The following SLC39A10 variants were observed in gnomAD, a reference collection of about 807,000 sequenced individuals.
SLC39A10 encodes solute carrier family 39 member 10.
In SLC39A10, 13 loss-of-function variants were observed where a neutral mutation model predicts 65.1. The observed-to-expected ratio is 0.20, with a 90% confidence interval of 0.13 to 0.32. The LOEUF is 0.32. Ranked by LOEUF, SLC39A10 falls within the 10% of genes least tolerant of loss-of-function variation. The probability of loss-of-function intolerance (pLI) is 1.00; values close to 1 mark genes in which losing one functional copy is unlikely to be tolerated. For missense variants in SLC39A10, 831 were observed against 1,018.4 expected, an observed-to-expected ratio of 0.82 and a Z score of 2.50; for synonymous variants, 321 against 342.2, an observed-to-expected ratio of 0.94 and a Z score of 0.68.
chr2:195,632,021 T>C (rs1393713629), intron 2 of SLC39A10, among the ~76,000 whole-genome samples: 2 of 152,136 alleles, frequency 1.3e-5, no homozygotes, highest in African/African-American at 4.8e-5. Flanking sequence ...TCTGAGTAGC[T>C]GGGACTACAG....
At position 195,728,289 on chromosome 2, in the gene SLC39A10, C is replaced by G; in HGVS notation, c.2277C>G (p.Ile759Met). 1 of 1,614,072 alleles carries G rather than the reference C, an allele frequency of 6.2e-7. No homozygotes were observed. Among genetic ancestry groups the G allele is most frequent in the Non-Finnish European group, 8.5e-7 (1 of 1,179,922 alleles). Residue 759 changes from isoleucine to methionine, a missense_variant, in exon 9 of 10, where the codon ATC becomes ATG. This residue lies in a region of SLC39A10 where 120 missense variants were observed against 203.9 expected (regional missense o/e 0.59). Coordinates refer to ENST00000359634, the MANE Select transcript of SLC39A10 (RefSeq NM_020342.3). The surrounding 1 kb of genome is among the most constrained non-coding windows in gnomAD (Gnocchi z 4.4). ...CTGTTGGTCAGTATGCCAATAACATCACACTTTGGATCTTTGCAGTCACTG... is the reference window on the plus strand; with the variant it reads ...CTGTTGGTCAGTATGCCAATAACATGACACTTTGGATCTTTGCAGTCACTG... ...GTAVGQYANN[I>M]TLWIFAVTAG...
At chr2:195,689,643 C>T (rs190469404) in intron 3 of SLC39A10, among the ~76,000 whole-genome samples, 1 of 152,200 alleles carries the variant, frequency 6.6e-6, no homozygotes, top group African/African-American at 2.4e-5. Context: ...ACACAACGAT[C>T]CATACTATCT....
intron 2 of SLC39A10, among the ~76,000 whole-genome samples, chr2:195,627,280 G>A (rs190799546): frequency 9.3e-4 from 141 of 152,046 alleles, no homozygotes; most frequent in African/African-American, 2.7e-3. Flanking sequence ...CCCCCACCCC[G>A]CGCCCAATGA....
upstream of SLC39A10, among the ~76,000 whole-genome samples, chr2:195,653,435 C>T (rs975081129): frequency 1.2e-4 from 19 of 152,022 alleles, no homozygotes; most frequent in Non-Finnish European, 1.9e-4. Flanking sequence ...GCTGGGATTA[C>T]AGGTGCCCGC....
chr2:195,653,707 G>T (rs1689086527), upstream of SLC39A10, among the ~76,000 whole-genome samples: 2 of 152,236 alleles, frequency 1.3e-5, no homozygotes, highest in African/African-American at 4.8e-5. Flanking sequence ...TGGCAAAGAA[G>T]AAGTGACCAT....
rs140096239 is a variant in SLC39A10 at position 195,679,764 on chromosome 2, T to C, written c.-11-268T>C. The stretch of plus-strand genomic sequence containing the variant: ...TTTTATTTTCTAATTATTGCTGATA[T>C]ATAGGAATATAATTTATTACTGTCC... On this transcript the variant is annotated intron_variant, in intron 1 of 9. Transcript: ENST00000359634. Among the ~76,000 whole-genome samples, 75 of 152,346 alleles carry C rather than the reference T, an allele frequency of 4.9e-4. 2 individuals carry two copies. Among genetic ancestry groups the C allele is most frequent in the African/African-American group, 1.8e-3 (74 of 41,590 alleles).
chr2:195,671,868 T>C (rs1689872403), intron 1 of SLC39A10: 2 of 152,264 alleles, frequency 1.3e-5, no homozygotes, highest in Non-Finnish European at 2.9e-5. Context: ...CCATTCTTTC[T>C]CTTTCCCTGT....
chr2:195,708,637 T>C lies in SLC39A10; in HGVS notation c.1387-19T>C, dbSNP rs200207192. On this transcript the variant is annotated intron_variant, in intron 4 of 9. Transcript: ENST00000359634. The stretch of plus-strand genomic sequence containing the variant: ...ATTTCAATTATTTGTTTAGAAGTTT[T>C]ATTTGTTCTTATTAATAGTCTCAGG... The C allele has an allele frequency of 2.6e-4, 391 of 1,512,968 alleles. 1 individual carries two copies. In the African/African-American group the frequency reaches 5.1e-3, roughly 20 times the overall value. The allele number at this position is 1,512,968 out of a possible 1,614,324, so 93.7% of individuals were successfully genotyped here. A position where few individuals can be genotyped will look rare whatever the true frequency, so the allele number is the denominator to read the frequency against.
intron 2 of SLC39A10, among the ~76,000 whole-genome samples, chr2:195,627,317 A>G (rs755957385): frequency 6.6e-6 from 1 of 152,182 alleles, no homozygotes; most frequent in Non-Finnish European, 1.5e-5. Flanking sequence ...TGATTAAAGC[A>G]AAATAGCTAC....
chr2:195,632,290 C>CTTTTTTTTTTTTTTT lies in SLC39A10; in HGVS notation c.-12+26070_-12+26084dup, dbSNP rs202193660. 1.0e-4 allele frequency among the ~76,000 whole-genome samples: 7 copies of CTTTTTTTTTTTTTTT among 69,224 alleles called. 1 individual carries two copies. Among genetic ancestry groups the CTTTTTTTTTTTTTTT allele is most frequent in the African/African-American group, 3.8e-4 (6 of 15,952 alleles). The allele number at this position is 69,224 out of a possible 152,430, so 45.4% of individuals were successfully genotyped here. A position where few individuals can be genotyped will look rare whatever the true frequency, so the allele number is the denominator to read the frequency against. ...AGGTCACCAGCTCTCATTCTACTTC[C>CTTTTTTTTTTTTTTT]TTTTTTTTTTTTTTTTTTTTTTTTT... On this transcript the variant is annotated intron_variant, in intron 2 of 2. Coordinates refer to the SLC39A10 transcript ENST00000458054.
intron 5 of SLC39A10, among the ~76,000 whole-genome samples, chr2:195,712,526 C>CA (rs1166129275): frequency 1.3e-5 from 2 of 152,082 alleles, no homozygotes; most frequent in South Asian, 2.1e-4. Context: ...AAACCAGCAA[C>CA]AAAAAAATGC....
intron 3 of SLC39A10, among the ~76,000 whole-genome samples, chr2:195,698,947 G>T (rs894156692): frequency 1.3e-5 from 2 of 151,742 alleles, no homozygotes; most frequent in Non-Finnish European, 3.0e-5. Flanking sequence ...TGTTTTGTTG[G>T]AAGATTTTTG....
intron 3 of SLC39A10, among the ~76,000 whole-genome samples, chr2:195,686,783 C>T (rs1233055788): frequency 6.6e-6 from 1 of 152,180 alleles, no homozygotes; most frequent in Non-Finnish European, 1.5e-5. Context: ...TCTCCTTCTA[C>T]AACATATAAT....
intron 1 of SLC39A10, among the ~76,000 whole-genome samples, chr2:195,672,410 G>T (rs748917557): frequency 3.3e-5 from 5 of 152,040 alleles, no homozygotes; most frequent in Non-Finnish European, 5.9e-5. Flanking sequence ...CAGGATTACA[G>T]GCATGATCCA....
chr2:195,709,837 AGTAT>A (rs1240488500), intron 5 of SLC39A10, among the ~76,000 whole-genome samples: 1 of 152,248 alleles, frequency 6.6e-6, no homozygotes, highest in Non-Finnish European at 1.5e-5. Flanking sequence ...AAAATGTGAA[AGTAT>A]GTAAAGAGAA....
chr2:195,713,314 T>C (rs746261788), intron 5 of SLC39A10, 119 bp from the exon 6 acceptor site: 126 of 809,794 alleles, frequency 1.6e-4, no homozygotes, highest in Non-Finnish European at 1.9e-4. Flanking sequence ...CCCTTTAAAA[T>C]AATTTATATA....
chr2:195,672,223 TG>T (rs1689890081), intron 1 of SLC39A10, among the ~76,000 whole-genome samples: 2 of 152,168 alleles, frequency 1.3e-5, no homozygotes, highest in South Asian at 4.1e-4. Context: ...CTGGCCCTCC[TG>T]GGTTCAATCA....
chr2:195,675,566 G>A (rs1243539056), intron 1 of SLC39A10, among the ~76,000 whole-genome samples: 4 of 152,258 alleles, frequency 2.6e-5, no homozygotes, highest in East Asian at 1.9e-4. Context: ...CGAGTAGCTC[G>A]TACTACAGGC....
chr2:195,688,960 C>G (rs1050996675), intron 3 of SLC39A10, among the ~76,000 whole-genome samples: 1 of 152,112 alleles, frequency 6.6e-6, no homozygotes, highest in East Asian at 1.9e-4. Flanking sequence ...AGTAATCCTT[C>G]CTACTTTCAT....
Sources: allele counts gnomAD v4.1 joint callset (sites outside exome capture counted in the v4.1 genomes callset), GRCh38; gene constraint gnomAD v4.1.1; regional missense constraint gnomAD v4.1.1; non-coding constraint Gnocchi (gnomAD v3.1); transcripts MANE v1.5; gene names NCBI Gene and HGNC (gene_info 2026-07-23, HGNC 2026-07-21).